The following TTC28 variants were observed in gnomAD, a reference collection of about 807,000 sequenced individuals.
The protein encoded by TTC28 is tetratricopeptide repeat domain 28.
TTC28 carries 61 observed loss-of-function variants against 198.0 expected under a neutral mutation model. The ratio of observed to expected loss-of-function variants is 0.31; its 90% CI spans 0.25 to 0.38. The LOEUF is 0.38. Ranked by LOEUF, TTC28 falls within the 10% of genes least tolerant of loss-of-function variation. The pLI, the probability that TTC28 is intolerant of heterozygous loss-of-function variation, is 1.00. For synonymous variants in TTC28, 1,171 were observed against 1,297.8 expected (o/e 0.90, Z 2.10); for missense variants, 2,678 against 3,164.0 (o/e 0.85, Z 3.69).
chr22:28,201,110 G>A (rs1415117358), intron 5 of TTC28, among the ~76,000 whole-genome samples: 3 of 152,080 alleles, frequency 2.0e-5, no homozygotes, highest in African/African-American at 7.2e-5. Flanking sequence ...GGAAAACTGA[G>A]GGTCAATCAG....
chr22:28,309,875 C>T (rs2045221734), intron 2 of TTC28, among the ~76,000 whole-genome samples: 1 of 152,032 alleles, frequency 6.6e-6, no homozygotes, highest in Non-Finnish European at 1.5e-5. Context: ...TAGGCTGAAG[C>T]TTTAGCCAAG....
Position 27,999,230 on chromosome 22 carries a change from A to G in TTC28, c.4429T>C (p.Ser1477Pro). Residue 1477 changes from serine (S) to proline (P), a missense_variant, in exon 16 of 23, where the codon TCC (serine) becomes CCC (proline). Ser to Pro is a moderately conservative substitution (Grantham distance 74). Transcript: ENST00000397906. ...ACAGCCGCCATGGATGTGGAGCTGG[A>G]GTATGTGGGCGGGTTCTTCCGTAAG... is the stretch of plus-strand genomic sequence containing the variant. ...SHLRKNPPTYSSSTSMAAVIG... is the reference protein window; with the variant it reads ...SHLRKNPPTYPSSTSMAAVIG... The G allele has an allele frequency of 1.3e-6, 2 of 1,550,794 alleles. No homozygotes were observed. The highest frequency in any genetic ancestry group is 1.7e-6 in the Non-Finnish European group (2 of 1,146,842).
At chr22:28,364,679 T>C (rs1210897569) in intron 2 of TTC28, among the ~76,000 whole-genome samples, 1 of 152,144 alleles carries the variant, frequency 6.6e-6, no homozygotes, top group East Asian at 1.9e-4. Context: ...GGCTCAAGAC[T>C]TCAGCAGAGG....
chr22:28,563,444 A>G (rs964866614), intron 2 of TTC28, among the ~76,000 whole-genome samples: 3 of 152,200 alleles, frequency 2.0e-5, no homozygotes, highest in African/African-American at 7.2e-5. Context: ...CTTTGCAACC[A>G]TATACCTGTG....
intron 2 of TTC28, among the ~76,000 whole-genome samples, chr22:28,430,868 A>G (rs2047419314): frequency 6.9e-6 from 1 of 144,084 alleles, no homozygotes; most frequent in African/African-American, 2.6e-5. Flanking sequence ...CCAAACTGAG[A>G]TTCCTTACCA....
At chr22:28,453,019 C>T (rs2047808492) in intron 2 of TTC28, among the ~76,000 whole-genome samples, 1 of 152,186 alleles carries the variant, frequency 6.6e-6, no homozygotes, top group African/African-American at 2.4e-5. Context: ...CTATATCCAG[C>T]TCCAACAGTG....
rs11415868 is a variant in TTC28 at position 28,357,315 on chromosome 22, A to ATTTTTT, written c.382-50678_382-50673dup. On this transcript the variant is annotated intron_variant, in intron 2 of 22. Coordinates refer to ENST00000397906, the MANE Select transcript of TTC28 (RefSeq NM_001145418.2). ...AGAAATCACTTTTATCAAATTTCTT[A>ATTTTTT]TTTTTTTTTTTTTTTTTTTTTGAGA... Among the ~76,000 whole-genome samples the ATTTTTT allele has an allele frequency of 7.1e-5, 8 of 113,474 alleles. 2 individuals carry two copies. Among genetic ancestry groups the ATTTTTT allele is most frequent in the Middle Eastern group, 0.01 (2 of 192 alleles). 74.4% of individuals were successfully genotyped at this position (113,474 alleles called of 152,430 possible). A position where few individuals can be genotyped will look rare whatever the true frequency, so the allele number is the denominator to read the frequency against.
chr22:28,322,985 T>C (rs1341122919), intron 2 of TTC28, among the ~76,000 whole-genome samples: 2 of 152,222 alleles, frequency 1.3e-5, no homozygotes, highest in Non-Finnish European at 2.9e-5. Context: ...AGGACCTATC[T>C]GATTACATTG....
chr22:28,412,489 T>C (rs1278254074), intron 2 of TTC28, among the ~76,000 whole-genome samples: 1 of 152,204 alleles, frequency 6.6e-6, no homozygotes. Context: ...CTTCACAATA[T>C]GACCCTATCT....
At chr22:28,520,738 A>G (rs1194885600) in intron 2 of TTC28, among the ~76,000 whole-genome samples, 1 of 152,160 alleles carries the variant, frequency 6.6e-6, no homozygotes, top group Non-Finnish European at 1.5e-5. Flanking sequence ...AGCCTGGGCA[A>G]TAGAGTAAGA....
chr22:28,419,945 G>A (rs1335715893), intron 2 of TTC28, among the ~76,000 whole-genome samples: 1 of 152,120 alleles, frequency 6.6e-6, no homozygotes, highest in Non-Finnish European at 1.5e-5. Flanking sequence ...ATATTACAGG[G>A]TATTAATTCA....
chr22:28,670,704 C>CATATATATATATATAT lies in TTC28; in HGVS notation c.102+8902_102+8917dup, dbSNP rs146059811. ...AACAATTGTTTTGATGTCTTTAGGG[C>CATATATATATATATAT]ATATATATATATATATATATGAGTG... On this transcript the variant is annotated intron_variant, in intron 1 of 22. Transcript: ENST00000397906. Among the ~76,000 whole-genome samples the CATATATATATATATAT allele has an allele frequency of 6.8e-3, 870 of 128,498 alleles. 37 individuals are homozygous for CATATATATATATATAT. Among genetic ancestry groups the CATATATATATATATAT allele is most frequent in the African/African-American group, 0.024 (819 of 33,978 alleles). The allele number at this position is 128,498 out of a possible 152,430, so 84.3% of individuals were successfully genotyped here.
At chr22:28,205,536 G>C (rs569866479) in intron 5 of TTC28, among the ~76,000 whole-genome samples, 1 of 152,156 alleles carries the variant, frequency 6.6e-6, no homozygotes, top group Admixed American at 6.5e-5. Flanking sequence ...AAAGGACTGA[G>C]TGAAATGAGA....
At position 28,107,993 on chromosome 22, in the gene TTC28, C is replaced by G. The variant is rs759303854; in HGVS notation, c.1852G>C (p.Glu618Gln). Residue 618 changes from glutamate (E) to glutamine (Q), a missense_variant, in exon 7 of 23, where the codon GAA becomes CAA. By Grantham distance (29) the Glu-to-Gln change is conservative. Transcript: ENST00000397906. ...TCGGGAGCAAGCCGGAGGTACTGTT[C>G]ATAATAGGGGGCAGCCTGGACATAC... ...GEYVQAAPYY[E>Q]QYLRLAPDLQ... is the part of the protein sequence containing the mutation. The G allele has an allele frequency of 4.4e-5, 69 of 1,551,442 alleles. No individual in the cohort carries two copies. Among genetic ancestry groups the G allele is most frequent in the Non-Finnish European group, 5.8e-5 (66 of 1,146,990 alleles).
intron 2 of TTC28, among the ~76,000 whole-genome samples, chr22:28,320,195 TAGGG>T (rs1555967394): frequency 1.3e-5 from 2 of 151,932 alleles, no homozygotes; most frequent in Non-Finnish European, 2.9e-5. Context: ...AGAGGATTGG[TAGGG>T]CAGGGGCACA....
In TTC28 at chr22:28,094,082, T is replaced by C; in HGVS notation, c.3930A>G (p.Ser1310=). ...CTTGGGGATGTTTTACTACCTACCT[T>C]GAGTAGTGAGACTCCACCCCCAGGG... ...REALGVESHY[S]RACASSETES... Residue 1310 remains serine (S), a splice_region_variant and synonymous_variant, in exon 12 of 23, where the codon TCA becomes TCG. Coordinates refer to ENST00000397906, the MANE Select transcript of TTC28 (RefSeq NM_001145418.2). 6.5e-7 allele frequency: 1 copy of C among 1,541,012 alleles called. No homozygotes were observed. The highest frequency in any genetic ancestry group is 1.2e-5 in the South Asian group (1 of 81,872).
At chr22:28,678,577 T>G (rs2052039516) in intron 1 of TTC28, among the ~76,000 whole-genome samples, 1 of 152,168 alleles carries the variant, frequency 6.6e-6, no homozygotes, top group Admixed American at 6.5e-5. Flanking sequence ...TAAAACATAC[T>G]GAAAACATGG....
At chr22:28,526,404 G>C (rs2049004649) in intron 2 of TTC28, among the ~76,000 whole-genome samples, 1 of 152,078 alleles carries the variant, frequency 6.6e-6, no homozygotes, top group Admixed American at 6.6e-5. Context: ...TCTGAACAAA[G>C]TATTAAAAAA....
chr22:28,466,247 T>G (rs768159979), intron 2 of TTC28, among the ~76,000 whole-genome samples: 8 of 152,224 alleles, frequency 5.3e-5, no homozygotes, highest in African/African-American at 9.6e-5. Context: ...ATACTTCGCA[T>G]GAAGAGCATC....
Sources: allele counts gnomAD v4.1 joint callset (sites outside exome capture counted in the v4.1 genomes callset), GRCh38; gene constraint gnomAD v4.1.1; transcripts MANE v1.5; gene names NCBI Gene and HGNC (gene_info 2026-07-23, HGNC 2026-07-21).